The following DNASE1 variants were observed in gnomAD, a reference collection of about 807,000 sequenced individuals.
DNASE1 encodes the protein deoxyribonuclease-1.
DNASE1 carries 40 observed loss-of-function variants against 33.9 expected under a neutral mutation model. The observed-to-expected ratio is 1.18, with a 90% confidence interval of 0.92 to 1.54. The LOEUF (loss-of-function observed/expected upper bound fraction) is 1.54, where lower values mean the gene tolerates loss of function less well. Among genes scored for constraint, DNASE1 ranks in the 40% most tolerant of loss-of-function variants. The pLI is 0.00. For missense variants in DNASE1, 518 were observed against 372.6 expected (o/e 1.39, Z -3.21); for synonymous variants, 216 against 160.0 (o/e 1.35, Z -2.64).
At position 3,663,473 on chromosome 16, in the gene DNASE1, G is replaced by C. The variant is rs1364751580; in HGVS notation, c.*5520G>C. The C allele has an allele frequency of 5.0e-6, 8 of 1,614,176 alleles. No individual in the cohort carries two copies. The Admixed American group carries it at 6.7e-5, about 13-fold the overall frequency. ...CCTCCTTGTAGTGATCCACGACTAT[G>C]TCCGTCTCCACAGAGATCAGCTTCT... On this transcript the variant is annotated 3_prime_UTR_variant, in exon 10 of 10. Coordinates refer to the DNASE1 transcript ENST00000407479.
At chr16:3,656,836 T>TCA in intron 5 of DNASE1, 83 bp downstream of exon 5, 1 of 1,543,734 alleles carries the variant, frequency 6.5e-7, no homozygotes, top group Non-Finnish European at 8.7e-7. Context: ...AATGCCTGTG[T>TCA]CACACACTGC....
intron 1 of DNASE1, among the ~76,000 whole-genome samples, chr16:3,629,811 T>C (rs1243392965): frequency 6.6e-6 from 1 of 152,102 alleles, no homozygotes; most frequent in Admixed American, 6.6e-5. Context: ...TAGGGGTTTT[T>C]TAATTTGTTT....
intron 1 of DNASE1, among the ~76,000 whole-genome samples, chr16:3,621,747 C>T (rs112332332): frequency 6.6e-6 from 1 of 152,162 alleles, no homozygotes; most frequent in Non-Finnish European, 1.5e-5. Flanking sequence ...TATCAAGGGA[C>T]ATTAGATGGC....
upstream of DNASE1, among the ~76,000 whole-genome samples, chr16:3,638,051 T>G (rs2041922455): frequency 6.6e-6 from 1 of 152,112 alleles, no homozygotes; most frequent in Non-Finnish European, 1.5e-5. Context: ...TGCCTTCATT[T>G]TTTAATGATA....
chr16:3,632,644 A>G (rs944479792), intron 1 of DNASE1, among the ~76,000 whole-genome samples: 4 of 150,236 alleles, frequency 2.7e-5, no homozygotes, highest in Non-Finnish European at 4.4e-5. Flanking sequence ...GGAGTGCAGT[A>G]GCTTGATCTC....
intron 1 of DNASE1, among the ~76,000 whole-genome samples, chr16:3,614,786 A>G (rs1198945917): frequency 6.6e-6 from 1 of 152,178 alleles, no homozygotes; most frequent in Admixed American, 6.5e-5. Flanking sequence ...GGATACAGAA[A>G]ATTTTTTTAA....
chr16:3,618,149 A>G (rs1441317994), intron 1 of DNASE1, among the ~76,000 whole-genome samples: 2 of 151,988 alleles, frequency 1.3e-5, no homozygotes, highest in African/African-American at 4.8e-5. Flanking sequence ...GCAGGTGCCA[A>G]CAAGCACATG....
intron 1 of DNASE1, among the ~76,000 whole-genome samples, chr16:3,613,755 C>T (rs918158891): frequency 1.3e-5 from 2 of 152,046 alleles, no homozygotes; most frequent in African/African-American, 2.4e-5. Flanking sequence ...CCTTCCTTCC[C>T]TTCCTTGCTT....
Position 3,663,771 on chromosome 16 carries a change from C to T in DNASE1, c.*5818C>T, listed in dbSNP as rs530378548. ...CTGCCTTCAAGGCAGAAGCACTCCA[C>T]GCATAAAGAAATCCACATGTGGCTG... is the stretch of plus-strand genomic sequence containing the variant. On this transcript the variant is annotated 3_prime_UTR_variant, in exon 10 of 10. Transcript: ENST00000407479. 42 of 600,310 alleles carry T rather than the reference C, an allele frequency of 7.0e-5. 1 individual carries two copies. Among genetic ancestry groups the T allele is most frequent in the South Asian group, 4.8e-4 (23 of 48,048 alleles). The allele number at this position is 600,310 out of a possible 1,614,324, so 37.2% of individuals were successfully genotyped here. A position where few individuals can be genotyped will look rare whatever the true frequency, so the allele number is the denominator to read the frequency against.
At chr16:3,662,879 C>T (rs763322867), downstream of DNASE1, 5 of 1,613,560 alleles carry the variant, frequency 3.1e-6, no homozygotes, top group South Asian at 4.4e-5. Context: ...GGGAAAGCCT[C>T]ACCTTCACGT....
At chr16:3,665,187 TGAAGAGGCCTGTGTCA>T (rs1489535048) in exon 10 of DNASE1, 1 of 152,160 alleles carries the variant, frequency 6.6e-6, no homozygotes, top group African/African-American at 2.4e-5. Context: ...TAAAGGAGAA[TGAAGAGGCCTGTGTCA>T]GAAGCTGCCG....
chr16:3,634,037 C>T (rs1235910837), intron 1 of DNASE1, among the ~76,000 whole-genome samples: 1 of 151,780 alleles, frequency 6.6e-6, no homozygotes. Flanking sequence ...GTCTCGATCT[C>T]CTGACCTCGT....
At chr16:3,618,487 T>C (rs1298179973) in intron 1 of DNASE1, among the ~76,000 whole-genome samples, 1 of 152,198 alleles carries the variant, frequency 6.6e-6, no homozygotes, top group Non-Finnish European at 1.5e-5. Flanking sequence ...CCCAGCACTT[T>C]GGGAGGCCAA....
intron 1 of DNASE1, among the ~76,000 whole-genome samples, chr16:3,629,774 G>C (rs572110232): frequency 6.6e-6 from 1 of 152,140 alleles, no homozygotes; most frequent in Admixed American, 6.5e-5. Context: ...GGTCTCTTCA[G>C]CTTTTCTGTT....
At chr16:3,623,761 A>T (rs181318773) in intron 1 of DNASE1, among the ~76,000 whole-genome samples, 1 of 152,086 alleles carries the variant, frequency 6.6e-6, no homozygotes, top group Non-Finnish European at 1.5e-5. Context: ...ACAAGAACAC[A>T]TACTTCTCAA....
chr16:3,613,326 A>C (rs147855691), intron 1 of DNASE1, among the ~76,000 whole-genome samples: 105 of 152,312 alleles, frequency 6.9e-4, no homozygotes, highest in African/African-American at 2.4e-3. Flanking sequence ...ATGGCTGCAT[A>C]ATCACGTGTT....
intron 4 of DNASE1, 94 bp downstream of exon 4, chr16:3,656,279 C>G: frequency 7.4e-7 from 1 of 1,348,700 alleles, no homozygotes; most frequent in South Asian, 1.2e-5. Context: ...TGTCCTATGG[C>G]AAGAACCTGA....
intron 1 of DNASE1, among the ~76,000 whole-genome samples, chr16:3,624,957 A>G (rs1032178530): frequency 2.6e-5 from 4 of 152,146 alleles, no homozygotes; most frequent in Admixed American, 1.3e-4. Flanking sequence ...CCAGCCTCTC[A>G]CAGTCTGAGA....
intron 1 of DNASE1, among the ~76,000 whole-genome samples, chr16:3,647,571 G>A (rs1364864911): frequency 6.6e-6 from 1 of 152,144 alleles, no homozygotes; most frequent in East Asian, 1.9e-4. Context: ...ACCACACGCA[G>A]CCAGAAAATT....
Sources: gnomAD v4.1 joint callset for allele counts (sites outside exome capture counted in the v4.1 genomes callset) on GRCh38, gnomAD v4.1.1 for gene constraint, MANE v1.5 for transcripts, NCBI Gene and HGNC (gene_info 2026-07-23, HGNC 2026-07-21) for gene names.